The following RBFOX1 variants were observed in gnomAD, a reference collection of about 807,000 sequenced individuals.
RBFOX1 encodes RNA binding fox-1 homolog 1.
RBFOX1 carries 8 observed loss-of-function variants against 57.7 expected under a neutral mutation model. The observed-to-expected ratio is 0.14, with a 90% CI of 0.08 to 0.25. RBFOX1 has a LOEUF of 0.25. RBFOX1 is among the 10% of genes least tolerant of loss of function. RBFOX1 has a pLI of 1.00. For synonymous variants in RBFOX1, 326 were observed against 222.4 expected, an observed-to-expected ratio of 1.47 and a Z score of -4.15; for missense variants, 611 against 548.5, an observed-to-expected ratio of 1.11 and a Z score of -1.14.
chr16:5,387,233 G>A (rs2066282718), intron 1 of RBFOX1, among the ~76,000 whole-genome samples: 1 of 152,176 alleles, frequency 6.6e-6, no homozygotes, highest in South Asian at 2.1e-4. Context: ...GTTGAGGGAT[G>A]AATAAGTAAG....
chr16:5,646,303 G>A (rs181667896), intron 3 of RBFOX1, among the ~76,000 whole-genome samples: 26 of 151,494 alleles, frequency 1.7e-4, no homozygotes, highest in African/African-American at 6.1e-4. Flanking sequence ...GGGATTATAG[G>A]TGTCAACCAC....
intron 3 of RBFOX1, among the ~76,000 whole-genome samples, chr16:5,660,474 A>G (rs1184742554): frequency 3.3e-5 from 5 of 152,138 alleles, no homozygotes; most frequent in African/African-American, 1.2e-4. Context: ...TTATCAATGC[A>G]ATGTGAGTCA....
At chr16:6,540,144 G>C (rs1274206804) in intron 2 of RBFOX1, among the ~76,000 whole-genome samples, 1 of 152,128 alleles carries the variant, frequency 6.6e-6, no homozygotes, top group African/African-American at 2.4e-5. Flanking sequence ...ACCTGATTCT[G>C]TATGTGGCTT....
At chr16:6,503,832 T>G (rs935604693) in intron 2 of RBFOX1, among the ~76,000 whole-genome samples, 1 of 152,130 alleles carries the variant, frequency 6.6e-6, no homozygotes, top group Non-Finnish European at 1.5e-5. Context: ...GGGGATGGGA[T>G]AAGTTTGTGG....
chr16:7,102,363 C>A (rs1237527547), intron 4 of RBFOX1, among the ~76,000 whole-genome samples: 1 of 152,150 alleles, frequency 6.6e-6, no homozygotes, highest in African/African-American at 2.4e-5. Flanking sequence ...TTACTGAGAG[C>A]CTTAGAATTG....
chr16:7,189,271 A>G lies in RBFOX1; in HGVS notation c.27+137173A>G, dbSNP rs896767787. On this transcript the variant is annotated intron_variant, in intron 4 of 15. Transcript: ENST00000550418. ...AAACCCCATCTCTACTAAAAATACA[A>G]AAAAATTAGCCGGGCGTGGTGGCGG... 4.0e-5 allele frequency among the ~76,000 whole-genome samples: 6 copies of G among 151,666 alleles called. No homozygotes were observed. The East Asian group carries it at 5.9e-4, about 15-fold the overall frequency.
intron 4 of RBFOX1, among the ~76,000 whole-genome samples, chr16:7,171,584 C>T (rs1161376638): frequency 6.6e-6 from 1 of 152,158 alleles, no homozygotes; most frequent in African/African-American, 2.4e-5. Flanking sequence ...ATGTAATTTT[C>T]TCTCTTTATG....
intron 1 of RBFOX1, among the ~76,000 whole-genome samples, chr16:5,303,321 C>G (rs1212586465): frequency 6.6e-6 from 1 of 152,196 alleles, no homozygotes; most frequent in South Asian, 2.1e-4. Flanking sequence ...ATGAGCTGCA[C>G]AGGCAGAGGA....
chr16:5,291,960 A>C (rs1268081428), intron 1 of RBFOX1, among the ~76,000 whole-genome samples: 1 of 151,152 alleles, frequency 6.6e-6, no homozygotes, highest in African/African-American at 2.4e-5. Context: ...GTTGATGATG[A>C]AGATGTCTAG....
intron 1 of RBFOX1, among the ~76,000 whole-genome samples, chr16:5,292,372 C>T (rs1280245578): frequency 1.3e-5 from 2 of 152,202 alleles, no homozygotes; most frequent in African/African-American, 4.8e-5. Flanking sequence ...AATCAATTGG[C>T]AGAAATGTGG....
At chr16:7,106,781 A>G (rs998031992) in intron 4 of RBFOX1, among the ~76,000 whole-genome samples, 1 of 152,076 alleles carries the variant, frequency 6.6e-6, no homozygotes, top group Non-Finnish European at 1.5e-5. Flanking sequence ...TTAGAGAGTG[A>G]CGTGACCAGA....
chr16:5,618,643 A>G (rs1315836858), intron 3 of RBFOX1, among the ~76,000 whole-genome samples: 1 of 152,194 alleles, frequency 6.6e-6, no homozygotes, highest in East Asian at 1.9e-4. Context: ...AGCTGGCTGT[A>G]GATTTTTGTA....
chr16:5,455,021 T>TTCTTTCTTTCTTTCTC (rs1317448150), intron 1 of RBFOX1, among the ~76,000 whole-genome samples: 9 of 113,178 alleles, frequency 8.0e-5, no homozygotes, highest in East Asian at 2.7e-4. Context: ...CTTTCTTTCT[T>TTCTTTCTTTCTTTCTC]TCTCTCTCTC....
chr16:6,766,367 T>G (rs192339133), intron 3 of RBFOX1, among the ~76,000 whole-genome samples: 37 of 152,198 alleles, frequency 2.4e-4, no homozygotes, highest in African/African-American at 8.9e-4. Flanking sequence ...CTTGAGCATT[T>G]GTCTGTTTTT....
intron 4 of RBFOX1, among the ~76,000 whole-genome samples, chr16:7,327,977 A>T (rs73561890): frequency 0.03 from 4,607 of 152,168 alleles, 179 homozygotes; most frequent in African/African-American, 0.089. Context: ...CATCTTCCAG[A>T]CACAGCCAAC....
At chr16:5,343,293 T>G (rs1019856651) in intron 1 of RBFOX1, among the ~76,000 whole-genome samples, 2 of 137,626 alleles carry the variant, frequency 1.5e-5, no homozygotes, top group Non-Finnish European at 3.0e-5. Flanking sequence ...TTTCACTTCT[T>G]TGAAGTTTTT....
chr16:6,892,775 CCTCTCTCTCTCTCTCT>C lies in RBFOX1; in HGVS notation c.-15-159245_-15-159230del, dbSNP rs750285832. Among the ~76,000 whole-genome samples, 535 of 84,724 alleles carry C rather than the reference CCTCTCTCTCTCTCTCT, an allele frequency of 6.3e-3. 1 individual carries two copies. The highest frequency in any genetic ancestry group is 8.0e-3 in the African/African-American group (157 of 19,652). 55.6% of individuals were successfully genotyped at this position (84,724 alleles called of 152,430 possible). On this transcript the variant is annotated intron_variant, in intron 3 of 15. Transcript: ENST00000550418. Reference sequence around the variant, plus strand: ...CATATTCTCAAAGCCTCCCTGTCTCCCTCTCTCTCTCTCTCTCTCTCTCTCTCTCTCTCTCTCTCTC... The same window carrying C: ...CATATTCTCAAAGCCTCCCTGTCTCCCTCTCTCTCTCTCTCTCTCTCTCTC...
intron 4 of RBFOX1, among the ~76,000 whole-genome samples, chr16:7,388,029 CT>C (rs199903083): frequency 6.7e-5 from 10 of 149,504 alleles, no homozygotes; most frequent in East Asian, 2.1e-4. Context: ...ACAAAATATC[CT>C]TTTTTTTGTT....
At chr16:6,717,468 C>T (rs898727019) in intron 3 of RBFOX1, among the ~76,000 whole-genome samples, 5 of 152,020 alleles carry the variant, frequency 3.3e-5, no homozygotes, top group South Asian at 2.1e-4. Context: ...GCACTTGTTA[C>T]GTTAAACTCA....
Sources: gnomAD v4.1 joint callset for allele counts (sites outside exome capture counted in the v4.1 genomes callset) on GRCh38, gnomAD v4.1.1 for gene constraint, MANE v1.5 for transcripts, NCBI Gene and HGNC (gene_info 2026-07-23, HGNC 2026-07-21) for gene names.